The following SHANK1 variants were observed in gnomAD, a reference collection of about 807,000 sequenced individuals.
The protein encoded by SHANK1 is SH3 and multiple ankyrin repeat domains 1.
Under a neutral mutation model 165.6 loss-of-function variants are expected in SHANK1, and 35 were observed. The observed-to-expected ratio is 0.21, with a 90% CI of 0.16 to 0.28. The LOEUF is 0.28. SHANK1 is among the 10% of genes least tolerant of loss of function. The probability of loss-of-function intolerance (pLI) is 1.00; values close to 1 mark genes in which losing one functional copy is unlikely to be tolerated. For synonymous variants in SHANK1, 1,428 were observed against 1,384.8 expected, an observed-to-expected ratio of 1.03 and a Z score of -0.69; for missense variants, 2,681 against 3,036.4, an observed-to-expected ratio of 0.88 and a Z score of 2.75.
At chr19:50,683,848 G>A (rs947863388) in intron 21 of SHANK1, among the ~76,000 whole-genome samples, 1 of 152,140 alleles carries the variant, frequency 6.6e-6, no homozygotes, top group African/African-American at 2.4e-5. Flanking sequence ...AGGCAAATTC[G>A]CAGACACAGA....
At chr19:50,679,322 G>A (rs914212750) in intron 21 of SHANK1, among the ~76,000 whole-genome samples, 14 of 151,538 alleles carry the variant, frequency 9.2e-5, no homozygotes, top group Non-Finnish European at 1.6e-4. Context: ...CAGACGCCTC[G>A]TCAGATTTGC....
In SHANK1 at chr19:50,668,519, G is replaced by C. The variant is rs755759639; in HGVS notation, c.3441C>G (p.Pro1147=). The C allele has an allele frequency of 1.0e-5, 14 of 1,349,632 alleles. No homozygotes were observed. Among genetic ancestry groups the C allele is most frequent in the Non-Finnish European group, 1.3e-5 (14 of 1,051,070 alleles). 83.6% of individuals were successfully genotyped at this position (1,349,632 alleles called of 1,614,324 possible). Residue 1147 remains proline (P), a synonymous_variant, in exon 23 of 24, where the codon CCC becomes CCG. Transcript: ENST00000293441. The part of the protein sequence containing the change: ...SPQPPPAVAA[P]SEKNSIPIPT... ...GGATGGGGATGGAGTTCTTCTCCGA[G>C]GGCGCGGCCACGGCGGGCGGCGGCT... is the stretch of plus-strand genomic sequence containing the variant.
At position 50,687,986 on chromosome 19, in the gene SHANK1, G is replaced by A. The variant is rs756533394; in HGVS notation, c.2245C>T (p.Leu749=). Residue 749 remains leucine, a synonymous_variant, in exon 18 of 24, where the codon CTG becomes TTG. Coordinates refer to ENST00000293441, the MANE Select transcript of SHANK1 (RefSeq NM_016148.5). ...GTGACCATCACCACCTTCACCATCAGCGTGTTGCCCCCTTGGCGGATCATG... is the reference window on the plus strand; with the variant it reads ...GTGACCATCACCACCTTCACCATCAACGTGTTGCCCCCTTGGCGGATCATG... ...VNMIRQGGNT[L]MVKVVMVTRH... 32 of 1,614,004 alleles carry A rather than the reference G, an allele frequency of 2.0e-5. No individual in the cohort carries two copies. Among genetic ancestry groups the A allele is most frequent in the Non-Finnish European group, 2.6e-5 (31 of 1,180,000 alleles).
chr19:50,696,829 C>G (rs1001673056), intron 15 of SHANK1, among the ~76,000 whole-genome samples: 1 of 152,110 alleles, frequency 6.6e-6, no homozygotes, highest in African/African-American at 2.4e-5. Flanking sequence ...TTCAGAGAAG[C>G]ACAGATGTGC....
In SHANK1 at chr19:50,662,371, G is replaced by T. The variant is rs150859202; in HGVS notation, c.6080C>A (p.Pro2027His). The change falls in exon 24 of 24, where the codon CCC (proline) becomes CAC (histidine). Residue 2027 changes from proline to histidine, a missense_variant. Pro to His is a moderately conservative substitution (Grantham distance 77). Around this residue, in one of 10 missense-constraint regions of SHANK1, gnomAD observed 1,713 missense variants for 1,630.2 expected, o/e 1.05. Transcript: ENST00000293441. This position sits in a 1 kb window ranked among gnomAD's most constrained non-coding sequence, Gnocchi z 7.7. ...PSSLPILPSGPLYPGLFDIRG... is the reference protein window; with the variant it reads ...PSSLPILPSGHLYPGLFDIRG... ...GATGTCAAAGAGGCCTGGGTAGAGG[G>T]GTCCGGAAGGCAGGATGGGCAGGGA... is the stretch of plus-strand genomic sequence containing the variant. 7.6e-5 allele frequency: 120 copies of T among 1,583,080 alleles called. No homozygotes were observed. The highest frequency in any genetic ancestry group is 9.6e-5 in the Non-Finnish European group (112 of 1,163,060).
Position 50,668,676 on chromosome 19 carries a change from G to T in SHANK1, c.3284C>A (p.Ala1095Asp). The T allele has an allele frequency of 7.5e-7, 1 of 1,328,784 alleles. No individual in the cohort carries two copies. The highest frequency in any genetic ancestry group is 9.6e-7 in the Non-Finnish European group (1 of 1,043,962). The allele number at this position is 1,328,784 out of a possible 1,614,324, so 82.3% of individuals were successfully genotyped here. A position where few individuals can be genotyped will look rare whatever the true frequency, so the allele number is the denominator to read the frequency against. ...GCCCGAGCGGGCGGGCACGTACATG[G>T]CTGCGCTGGCCGCCCGCGGGGGCAG... ...FQLPPRAASA[A>D]MYVPARSGRG... Residue 1095 changes from alanine to aspartate, a missense_variant, in exon 23 of 24, where the codon GCC (alanine) becomes GAC (aspartate). Physicochemically the swap from Ala to Asp is moderately radical, Grantham distance 126. This residue lies in a region of SHANK1 where 1,713 missense variants were observed against 1,630.2 expected (regional missense o/e 1.05). Transcript: ENST00000293441.
rs994113058 is a variant in SHANK1, at chr19:50,687,104, C to T, written c.2390-292G>A. Reference sequence around the variant, plus strand: ...GGACGTCAGGGGAAGGTGAGGGGCCCCCTGTCTGGAAGCCCGCCTCCCTCG... The same window carrying T: ...GGACGTCAGGGGAAGGTGAGGGGCCTCCTGTCTGGAAGCCCGCCTCCCTCG... On this transcript the variant is annotated intron_variant, in intron 19 of 23. Transcript: ENST00000293441. The T allele has an allele frequency of 1.6e-5, 20 of 1,213,380 alleles. No individual in the cohort carries two copies. The East Asian group carries it at 5.8e-4, about 35-fold the overall frequency. The allele number at this position is 1,213,380 out of a possible 1,614,324, so 75.2% of individuals were successfully genotyped here.
At position 50,702,706 on chromosome 19, in the gene SHANK1, GAC is replaced by G; in HGVS notation, c.1554-48_1554-47del. ...AGAGGAGGGGAGGGTGGAGGGAGGG[GAC>G]ACCTCTGGGAGGACAGGGGTCCTTG... is the stretch of plus-strand genomic sequence containing the variant. On this transcript the variant is annotated intron_variant, in intron 11 of 23. Coordinates refer to ENST00000293441, the MANE Select transcript of SHANK1 (RefSeq NM_016148.5). The surrounding 1 kb of genome is among the most constrained non-coding windows in gnomAD (Gnocchi z 5.3). The G allele has an allele frequency of 7.8e-7, 1 of 1,282,400 alleles. No homozygotes were observed. The highest frequency in any genetic ancestry group is 2.7e-5 in the East Asian group (1 of 37,512). The allele number at this position is 1,282,400 out of a possible 1,614,324, so 79.4% of individuals were successfully genotyped here.
chr19:50,695,949 G>A (rs1319491442), intron 15 of SHANK1, among the ~76,000 whole-genome samples: 1 of 152,186 alleles, frequency 6.6e-6, no homozygotes, highest in Non-Finnish European at 1.5e-5. Flanking sequence ...GGAGGCTGGG[G>A]TTGGGCCCTG....
intron 12 of SHANK1, among the ~76,000 whole-genome samples, chr19:50,701,071 CG>C (rs1349650810): frequency 6.6e-6 from 1 of 152,096 alleles, no homozygotes; most frequent in African/African-American, 2.4e-5. Context: ...TTCTGACCCC[CG>C]AATACCCTTC....
At chr19:50,693,535 A>G (rs1386075742) in intron 15 of SHANK1, among the ~76,000 whole-genome samples, 1 of 150,984 alleles carries the variant, frequency 6.6e-6, no homozygotes, top group African/African-American at 2.4e-5. Context: ...TGTTCACTGG[A>G]TCCCACACAC....
Position 50,667,595 on chromosome 19 carries a change from C to A in SHANK1, c.4365G>T (p.Val1455=), listed in dbSNP as rs1985590703. ...TCCCCAGCTGCAGCAGGAGGGGCCC[C>A]ACCCCGGGAGCGGTGGGCGGCAGGC... ...LHRLPPTAPG[V]GPLLLQLGTE... The change falls in exon 23 of 24, where the codon GTG becomes GTT. Residue 1455 remains valine (V), a synonymous_variant. Transcript: ENST00000293441. This position sits in a 1 kb window ranked among gnomAD's most constrained non-coding sequence, Gnocchi z 5.7. 1 of 1,437,110 alleles carries A rather than the reference C, an allele frequency of 7.0e-7. No homozygotes were observed. The highest frequency in any genetic ancestry group is 2.9e-5 in the Admixed American group (1 of 34,778). The allele number at this position is 1,437,110 out of a possible 1,614,324, so 89.0% of individuals were successfully genotyped here.
In SHANK1 at chr19:50,660,121, G is replaced by A. The variant is rs919533059; in HGVS notation, c.*1844C>T. 3.3e-5 allele frequency among the ~76,000 whole-genome samples: 5 copies of A among 151,200 alleles called. No individual in the cohort carries two copies. Among genetic ancestry groups the A allele is most frequent in the East Asian group, 2.0e-4 (1 of 5,108 alleles). ...TCCCTTCTTTGGCAGCTGAACATGGGGGGGGGACCTGAGGGCAACGCCCTC... is the reference window on the plus strand; with the variant it reads ...TCCCTTCTTTGGCAGCTGAACATGGAGGGGGGACCTGAGGGCAACGCCCTC... On this transcript the variant is annotated 3_prime_UTR_variant, in exon 24 of 24. Transcript: ENST00000293441.
Position 50,668,314 on chromosome 19 carries a change from TGGGCACGGGCGAGGGGGACGG to T in SHANK1, c.3625_3645del (p.Pro1209_Pro1215del). 4.8e-6 allele frequency: 6 copies of T among 1,249,622 alleles called. No homozygotes were observed. Among genetic ancestry groups the T allele is most frequent in the Non-Finnish European group, 6.0e-6 (6 of 996,808 alleles). 77.4% of individuals were successfully genotyped at this position (1,249,622 alleles called of 1,614,324 possible). A position where few individuals can be genotyped will look rare whatever the true frequency, so the allele number is the denominator to read the frequency against. ...GCCGGGCCGCTGGGCGAGGCGGGGG[TGGGCACGGGCGAGGGGGACGG>T]GGGCACGGGTGACATGGCCGGGGCG... On this transcript the variant is annotated inframe_deletion, in exon 23 of 24. Transcript: ENST00000293441.
intron 15 of SHANK1, among the ~76,000 whole-genome samples, chr19:50,696,282 C>T (rs1288964300): frequency 1.3e-5 from 2 of 152,134 alleles, no homozygotes; most frequent in Non-Finnish European, 2.9e-5. Flanking sequence ...GGGTGTACCC[C>T]AATACTCACC....
intron 8 of SHANK1, among the ~76,000 whole-genome samples, chr19:50,707,973 A>C (rs149950025): frequency 8.1e-6 from 1 of 122,846 alleles, no homozygotes; most frequent in Non-Finnish European, 1.7e-5. Context: ...TTTGAGATGG[A>C]GTCTCACTCT....
At chr19:50,711,877 C>T (rs1294064359) in intron 7 of SHANK1, 70 bp downstream of exon 7, 21 of 1,569,446 alleles carry the variant, frequency 1.3e-5, no homozygotes, top group Non-Finnish European at 1.8e-5. Context: ...TGGTTCCCAG[C>T]CCCAGCCCCT....
intron 4 of SHANK1, among the ~76,000 whole-genome samples, 199 bp from the exon 5 acceptor site, chr19:50,714,489 C>G (rs144183633): frequency 6.6e-6 from 1 of 152,000 alleles, no homozygotes; most frequent in African/African-American, 2.4e-5. Context: ...CCCAGGGGTT[C>G]GAGACCAGCC....
At chr19:50,682,193 C>A (rs1179904146) in intron 21 of SHANK1, among the ~76,000 whole-genome samples, 2 of 152,004 alleles carry the variant, frequency 1.3e-5, no homozygotes, top group East Asian at 3.9e-4. Context: ...GTAGCTGGGA[C>A]CACAGGTGCA....
Sources: allele counts gnomAD v4.1 joint callset (sites outside exome capture counted in the v4.1 genomes callset), GRCh38; gene constraint gnomAD v4.1.1; regional missense constraint gnomAD v4.1.1; non-coding constraint Gnocchi (gnomAD v3.1); transcripts MANE v1.5; gene names NCBI Gene and HGNC (gene_info 2026-07-23, HGNC 2026-07-21).